NAALADL2: variants seen among roughly 807,000 people sequenced by gnomAD.
The protein encoded by NAALADL2 is N-acetylated alpha-linked acidic dipeptidase like 2.
In NAALADL2, 76 loss-of-function variants were observed where a neutral mutation model predicts 87.2. The ratio of observed to expected loss-of-function variants is 0.87; its 90% CI spans 0.72 to 1.05. NAALADL2 has a LOEUF of 1.05. Ranked by LOEUF, NAALADL2 falls within the 50% of genes least tolerant of loss-of-function variation. The pLI, the probability that NAALADL2 is intolerant of heterozygous loss-of-function variation, is 0.00. For synonymous variants in NAALADL2, 354 were observed against 331.0 expected (o/e 1.07, Z -0.75); for missense variants, 1,089 against 945.8 (o/e 1.15, Z -1.99).
chr3:174,871,840 A>C (rs1313380213), intron 1 of NAALADL2, among the ~76,000 whole-genome samples: 2 of 152,152 alleles, frequency 1.3e-5, no homozygotes, highest in Admixed American at 1.3e-4. Context: ...TGGAGGTTGC[A>C]CTGAGCTGAG....
chr3:175,526,879 T>G (rs940194331), intron 9 of NAALADL2, among the ~76,000 whole-genome samples: 1 of 152,138 alleles, frequency 6.6e-6, no homozygotes, highest in African/African-American at 2.4e-5. Context: ...AGCATTTAGC[T>G]AAAACCCTCC....
intron 5 of NAALADL2, among the ~76,000 whole-genome samples, chr3:175,351,588 C>T (rs561765366): frequency 6.6e-6 from 1 of 152,142 alleles, no homozygotes; most frequent in East Asian, 1.9e-4. Context: ...GAGGAAGGAA[C>T]GTATAGACAA....
intron 1 of NAALADL2, among the ~76,000 whole-genome samples, chr3:174,467,612 A>G (rs1463133885): frequency 6.6e-6 from 1 of 150,558 alleles, no homozygotes; most frequent in African/African-American, 2.4e-5. Context: ...AAAAAAAAAA[A>G]AAAAAAAAAA....
At chr3:175,729,029 T>C (rs1743309565) in intron 11 of NAALADL2, among the ~76,000 whole-genome samples, 1 of 152,166 alleles carries the variant, frequency 6.6e-6, no homozygotes, top group Non-Finnish European at 1.5e-5. Flanking sequence ...AGGTTCCTGC[T>C]CCCCAAATAT....
At chr3:174,911,510 T>G (rs896443878) in intron 1 of NAALADL2, among the ~76,000 whole-genome samples, 2 of 151,832 alleles carry the variant, frequency 1.3e-5, no homozygotes, top group Non-Finnish European at 2.9e-5. Flanking sequence ...CTGGTAAGAG[T>G]GCCCCAGTGC....
At chr3:174,601,887 A>G (rs941357365) in intron 2 of NAALADL2, among the ~76,000 whole-genome samples, 1 of 152,122 alleles carries the variant, frequency 6.6e-6, no homozygotes, top group African/African-American at 2.4e-5. Flanking sequence ...TTCTAACACC[A>G]TTTGTTTAAG....
At chr3:175,167,971 A>G (rs1734230717) in intron 2 of NAALADL2, among the ~76,000 whole-genome samples, 1 of 152,000 alleles carries the variant, frequency 6.6e-6, no homozygotes. Context: ...ATGACCCAGA[A>G]CAAATAAGCA....
rs150890162 is a variant in NAALADL2, at chr3:175,580,453, T to G, written c.1800+4266T>G. 2.0e-3 allele frequency among the ~76,000 whole-genome samples: 299 copies of G among 152,310 alleles called. 2 individuals carry two copies. The highest frequency in any genetic ancestry group is 6.9e-3 in the African/African-American group (287 of 41,588). ...ACTTTCATTACATTTCAGTCTTTCA[T>G]TACATTTTCTATTTGGAACTGAGTC... is the stretch of plus-strand genomic sequence containing the variant. On this transcript the variant is annotated intron_variant, in intron 10 of 13. Transcript: ENST00000454872.
chr3:175,627,226 C>A, intron 10 of NAALADL2, 65 bp from the exon 11 acceptor site: 1 of 1,303,378 alleles, frequency 7.7e-7, no homozygotes, highest in Non-Finnish European at 1.1e-6. Context: ...AAGGAAAATC[C>A]AATAAACACT....
chr3:175,655,201 CT>C (rs1731292144), intron 11 of NAALADL2, among the ~76,000 whole-genome samples: 1 of 151,912 alleles, frequency 6.6e-6, no homozygotes, highest in Non-Finnish European at 1.5e-5. Flanking sequence ...TAAAATTTTA[CT>C]TCTTATTCTT....
intron 5 of NAALADL2, among the ~76,000 whole-genome samples, chr3:175,332,700 T>C (rs568333634): frequency 6.6e-6 from 1 of 152,198 alleles, no homozygotes; most frequent in Non-Finnish European, 1.5e-5. Context: ...AAGAATGTGT[T>C]TTCTGTAGCT....
At chr3:175,732,979 G>A (rs1203669610) in intron 11 of NAALADL2, among the ~76,000 whole-genome samples, 1 of 152,010 alleles carries the variant, frequency 6.6e-6, no homozygotes, top group Admixed American at 6.6e-5. Flanking sequence ...TAGGTGATGG[G>A]TTGGTAAGTG....
chr3:175,224,358 C>A (rs569360000), intron 2 of NAALADL2, among the ~76,000 whole-genome samples: 2 of 152,232 alleles, frequency 1.3e-5, no homozygotes, highest in South Asian at 2.1e-4. Flanking sequence ...ACAGCCCGAA[C>A]CCCTGTGAAA....
chr3:174,667,999 G>T (rs1578482031), intron 2 of NAALADL2, among the ~76,000 whole-genome samples: 1 of 151,930 alleles, frequency 6.6e-6, no homozygotes. Context: ...ATGCACCAGG[G>T]TTTCATTCTC....
intron 5 of NAALADL2, among the ~76,000 whole-genome samples, chr3:175,412,545 A>G (rs564281779): frequency 3.3e-5 from 5 of 152,270 alleles, no homozygotes; most frequent in African/African-American, 4.8e-5. Context: ...TTTTCTTTCC[A>G]AGAAATGAGC....
chr3:175,217,711 A>G (rs915377832), intron 2 of NAALADL2, among the ~76,000 whole-genome samples: 2 of 152,248 alleles, frequency 1.3e-5, no homozygotes, highest in African/African-American at 4.8e-5. Flanking sequence ...ATACCAACTC[A>G]TGCATTATGT....
At chr3:175,112,272 C>A (rs926772798) in intron 2 of NAALADL2, among the ~76,000 whole-genome samples, 3 of 151,416 alleles carry the variant, frequency 2.0e-5, no homozygotes, top group East Asian at 3.9e-4. Context: ...ACATTCTTTT[C>A]CCCAAATTCT....
At chr3:175,274,733 C>A (rs983424804) in intron 4 of NAALADL2, among the ~76,000 whole-genome samples, 7 of 152,076 alleles carry the variant, frequency 4.6e-5, no homozygotes, top group Non-Finnish European at 7.3e-5. Context: ...ATATTTTCCA[C>A]AAAGTGTTCA....
At position 175,096,984 on chromosome 3, in the gene NAALADL2, A is replaced by G. The variant is rs76565704; in HGVS notation, c.238A>G (p.Ile80Val). ...TCAGAACCTAGGGCATTCAGAGACT[A>G]TAGACCTCAATCTTGATTCCATTCA... ...ENQNLGHSET[I>V]DLNLDSIQPA... The change falls in exon 2 of 14, where the codon ATA becomes GTA. Residue 80 changes from isoleucine to valine, a missense_variant. Ile to Val is a conservative substitution (Grantham distance 29). Coordinates refer to ENST00000454872, the MANE Select transcript of NAALADL2 (RefSeq NM_207015.3). 1.0e-3 allele frequency: 1,681 copies of G among 1,613,490 alleles called. 18 individuals carry two copies. In the African/African-American group the frequency reaches 0.02, roughly 19 times the overall value.
Sources: gnomAD v4.1 joint callset for allele counts (sites outside exome capture counted in the v4.1 genomes callset) on GRCh38, gnomAD v4.1.1 for gene constraint, MANE v1.5 for transcripts, NCBI Gene and HGNC (gene_info 2026-07-23, HGNC 2026-07-21) for gene names.